The following LAMB3 variants were observed in gnomAD, a reference collection of about 807,000 sequenced individuals.
LAMB3 encodes laminin subunit beta-3.
LAMB3 carries 104 observed loss-of-function variants against 140.3 expected under a neutral mutation model. The observed-to-expected ratio is 0.74, with a 90% CI of 0.63 to 0.87. The LOEUF (loss-of-function observed/expected upper bound fraction) is 0.87, where lower values mean the gene tolerates loss of function less well. LAMB3 is among the 40% of genes least tolerant of loss of function. The pLI, the probability that LAMB3 is intolerant of heterozygous loss-of-function variation, is 0.00. For missense variants in LAMB3, 1,531 were observed against 1,575.2 expected, an observed-to-expected ratio of 0.97 and a Z score of 0.47; for synonymous variants, 592 against 602.9, an observed-to-expected ratio of 0.98 and a Z score of 0.26.
intron 3 of LAMB3, among the ~76,000 whole-genome samples, chr1:209,639,752 A>G (rs1397763913): frequency 6.6e-5 from 10 of 152,178 alleles, no homozygotes; most frequent in Admixed American, 6.5e-4. Context: ...AGTAGCCATG[A>G]TCCCAAACCC....
intron 4 of LAMB3, among the ~76,000 whole-genome samples, chr1:209,638,184 C>T (rs1003342307): frequency 3.6e-4 from 55 of 152,156 alleles, no homozygotes; most frequent in African/African-American, 1.2e-3. Context: ...GGCTAAGTTT[C>T]CTTCCCACCA....
At chr1:209,633,625 C>G (rs1197598972) in intron 6 of LAMB3, among the ~76,000 whole-genome samples, 2 of 151,978 alleles carry the variant, frequency 1.3e-5, no homozygotes, top group Non-Finnish European at 2.9e-5. Context: ...CAGCCCTCCA[C>G]AAGTTAGGAA....
At chr1:209,630,244 C>T (rs1666630181) in intron 9 of LAMB3, among the ~76,000 whole-genome samples, 2 of 152,190 alleles carry the variant, frequency 1.3e-5, no homozygotes, top group South Asian at 4.1e-4. Context: ...CTGGTCTCCT[C>T]CTGGGTCACT....
Position 209,622,521 on chromosome 1 carries a change from G to A in LAMB3, c.2701+15C>T. Reference sequence around the variant, plus strand: ...ACTGGAACAGCAGCCAAGGTGGGGTGGAGACTGGGCTCACCTGTTAGGAAG... The same window carrying A: ...ACTGGAACAGCAGCCAAGGTGGGGTAGAGACTGGGCTCACCTGTTAGGAAG... On this transcript the variant is annotated intron_variant, in intron 18 of 22. Coordinates refer to ENST00000356082, the MANE Select transcript of LAMB3 (RefSeq NM_000228.3). 6.2e-7 allele frequency: 1 copy of A among 1,613,436 alleles called. No individual in the cohort carries two copies. The highest frequency in any genetic ancestry group is 8.5e-7 in the Non-Finnish European group (1 of 1,179,950).
Position 209,618,484 on chromosome 1 carries a change from G to A in LAMB3, c.2877C>T (p.Ala959=), listed in dbSNP as rs772950886. ...CCTCAGCCTCAGCCTGCAACCGGCG[G>A]GCACGCGCAATGTCCTGCTTGGTCT... ...LSQTKQDIAR[A]RRLQAEAEEA... is the part of the protein sequence containing the mutation. Residue 959 remains alanine (A), a synonymous_variant, in exon 19 of 23, where the codon GCC becomes GCT. Transcript: ENST00000356082. 2 of 1,614,184 alleles carry A rather than the reference G, an allele frequency of 1.2e-6. No individual in the cohort carries two copies. The highest frequency in any genetic ancestry group is 1.7e-6 in the Non-Finnish European group (2 of 1,180,044).
intron 3 of LAMB3, among the ~76,000 whole-genome samples, chr1:209,646,141 G>A (rs1217957831): frequency 6.6e-6 from 1 of 152,210 alleles, no homozygotes; most frequent in African/African-American, 2.4e-5. Flanking sequence ...AGCATTTAGG[G>A]GAGCAGACAC....
At position 209,627,401 on chromosome 1, in the gene LAMB3, G is replaced by A; in HGVS notation, c.1467C>T (p.Leu489=). 1 of 1,613,596 alleles carries A rather than the reference G, an allele frequency of 6.2e-7. No homozygotes were observed. Among genetic ancestry groups the A allele is most frequent in the African/African-American group, 1.3e-5 (1 of 75,044 alleles). Residue 489 remains leucine, a synonymous_variant, in exon 12 of 23, where the codon CTC becomes CTT. Transcript: ENST00000356082. ...EPCACDPHNS[L]SPQCNQFTGQ... is the part of the protein sequence containing the mutation. ...TTCGTACCTGGTTGCACTGTGGGCT[G>A]AGGGAGTTGTGCGGGTCGCAGGCAC...
chr1:209,627,156 G>A (rs1666491446), intron 12 of LAMB3, among the ~76,000 whole-genome samples, 178 bp from the exon 13 acceptor site: 1 of 152,214 alleles, frequency 6.6e-6, no homozygotes. Context: ...TTGAAGTCAA[G>A]GCCCAGCATA....
At chr1:209,618,691 C>T (rs1220422656) in intron 18 of LAMB3, 32 bp from the exon 19 acceptor site, 2 of 1,600,390 alleles carry the variant, frequency 1.2e-6, no homozygotes, top group Middle Eastern at 1.7e-4. Context: ...ACTGTAGGAG[C>T]CCACTAACCT....
At chr1:209,643,388 C>T (rs2076488250) in intron 3 of LAMB3, among the ~76,000 whole-genome samples, 1 of 152,228 alleles carries the variant, frequency 6.6e-6, no homozygotes, top group Non-Finnish European at 1.5e-5. Context: ...ATTCTCCTGG[C>T]TGCATTACCT....
At chr1:209,640,534 C>T (rs192599054) in intron 3 of LAMB3, among the ~76,000 whole-genome samples, 13 of 151,504 alleles carry the variant, frequency 8.6e-5, no homozygotes, top group South Asian at 4.2e-4. Flanking sequence ...GGCGACAGAG[C>T]GAGACTCTGT....
At chr1:209,647,751 G>A (rs1004004647) in intron 3 of LAMB3, among the ~76,000 whole-genome samples, 17 of 152,082 alleles carry the variant, frequency 1.1e-4, no homozygotes, top group African/African-American at 4.1e-4. Flanking sequence ...CTCAATACAC[G>A]ATATGTTTCT....
At chr1:209,645,723 A>G (rs373141495) in intron 3 of LAMB3, among the ~76,000 whole-genome samples, 64 of 36,026 alleles carry the variant, frequency 1.8e-3, no homozygotes, top group African/African-American at 7.2e-3. Flanking sequence ...GTCCCAGGGG[A>G]AAAAAAAAAA....
Position 209,632,736 on chromosome 1 carries a change from C to T in LAMB3, c.669G>A (p.Arg223=), listed in dbSNP as rs200235429. 140 of 1,614,210 alleles carry T rather than the reference C, an allele frequency of 8.7e-5. No individual in the cohort carries two copies. The highest frequency in any genetic ancestry group is 1.2e-4 in the Non-Finnish European group (136 of 1,180,032). The change falls in exon 8 of 23, where the codon AGG becomes AGA. Residue 223 remains arginine, a synonymous_variant. Transcript: ENST00000356082. Reference sequence around the variant, plus strand: ...AGCCCCTTTGGGGCACAGGGGCCAGCCTGGTGAAATTGACTCTCAAGTTTG... The same window carrying T: ...AGCCCCTTTGGGGCACAGGGGCCAGTCTGGTGAAATTGACTCTCAAGTTTG... ...EITNLRVNFT[R]LAPVPQRGYH...
Position 209,623,873 on chromosome 1 carries a change from G to T in LAMB3, c.2104C>A (p.Gln702Lys). Residue 702 changes from glutamine (Q) to lysine (K), a missense_variant, in exon 15 of 23, where the codon CAG becomes AAG. Physicochemically the swap from Gln to Lys is moderately conservative, Grantham distance 53 (BLOSUM62 1). Transcript: ENST00000356082. This position sits in a 1 kb window ranked among gnomAD's most constrained non-coding sequence, Gnocchi z 4.2. ...LLTMYQRKREQFEKISSADPS... is the reference protein window; with the variant it reads ...LLTMYQRKREKFEKISSADPS... ...TCAGCACTGCTTATTTTTTCAAACT[G>T]CTCCCTCTTCCTCTGATACATAGTA... The T allele has an allele frequency of 6.2e-7, 1 of 1,614,156 alleles. No individual in the cohort carries two copies. Among genetic ancestry groups the T allele is most frequent in the Non-Finnish European group, 8.5e-7 (1 of 1,180,032 alleles).
rs1299478643 is a variant in LAMB3, at chr1:209,615,407, T to C, written c.3383A>G (p.Asp1128Gly). The C allele has an allele frequency of 1.9e-6, 3 of 1,594,880 alleles. No homozygotes were observed. The Admixed American group carries it at 5.1e-5, about 27-fold the overall frequency. ...GCCCCGCAGCAGCTCCAACTCCATG[T>C]CTGAGGCAAATGGAACAGCAGCAGG... ...ETMEMMDRMK[D>G]MELELLRGSQ... is the part of the protein sequence containing the mutation. The change falls in exon 23 of 23, where the codon GAC becomes GGC. Residue 1128 changes from aspartate to glycine, a missense_variant and splice_region_variant. Asp to Gly is a moderately conservative substitution (Grantham distance 94). Coordinates refer to ENST00000356082, the MANE Select transcript of LAMB3 (RefSeq NM_000228.3).
chr1:209,624,036 A>G, intron 14 of LAMB3, 36 bp from the exon 15 acceptor site: 1 of 1,598,684 alleles, frequency 6.3e-7, no homozygotes, highest in Middle Eastern at 2.0e-4. Context: ...AAAATATAGG[A>G]GGGAGTTTTG....
intron 17 of LAMB3, 57 bp from the exon 18 acceptor site, chr1:209,622,737 G>GC (rs1476033509): frequency 1.2e-5 from 20 of 1,605,870 alleles, no homozygotes; most frequent in Non-Finnish European, 1.7e-5. Context: ...CCTCTCAGCA[G>GC]CCCCACGATT....
At chr1:209,629,303 C>G (rs1288438981) in intron 10 of LAMB3, among the ~76,000 whole-genome samples, 1 of 152,144 alleles carries the variant, frequency 6.6e-6, no homozygotes, top group African/African-American at 2.4e-5. Context: ...ATAATCCTCG[C>G]CATGGAGGAG....
Sources: allele counts gnomAD v4.1 joint callset (sites outside exome capture counted in the v4.1 genomes callset), GRCh38; gene constraint gnomAD v4.1.1; non-coding constraint Gnocchi (gnomAD v3.1); transcripts MANE v1.5; gene names NCBI Gene and HGNC (gene_info 2026-07-23, HGNC 2026-07-21).